The following ADRA1D variants were observed in gnomAD, a reference collection of about 807,000 sequenced individuals.
ADRA1D encodes the protein adrenoceptor alpha 1D, also known as alpha-1D adrenergic receptor.
Under a neutral mutation model 18.6 loss-of-function variants are expected in ADRA1D, and 22 were observed. That is an observed-to-expected ratio of 1.19 (90% CI 0.85 to 1.69). The LOEUF is 1.69. ADRA1D is among the 40% of genes most tolerant of loss of function. The probability of loss-of-function intolerance (pLI) is 0.00; values close to 1 mark genes in which losing one functional copy is unlikely to be tolerated. For synonymous variants in ADRA1D, 376 were observed against 388.2 expected, an observed-to-expected ratio of 0.97 and a Z score of 0.37; for missense variants, 840 against 840.7, an observed-to-expected ratio of 1.00 and a Z score of 0.01.
chr20:4,227,713 T>TCCTA (rs1555820763), intron 1 of ADRA1D, among the ~76,000 whole-genome samples: 1 of 41,552 alleles, frequency 2.4e-5, no homozygotes, highest in African/African-American at 7.5e-5. Context: ...CCTCCTTCCT[T>TCCTA]CCTTCCTTCC....
In ADRA1D at chr20:4,227,713, T is replaced by TC. The variant is rs5840025; in HGVS notation, c.1112-5584dup. Among the ~76,000 whole-genome samples, 119 of 41,548 alleles carry TC rather than the reference T, an allele frequency of 2.9e-3. 3 individuals are homozygous for TC. Among genetic ancestry groups the TC allele is most frequent in the Middle Eastern group, 0.017 (1 of 60 alleles). 27.3% of individuals were successfully genotyped at this position (41,548 alleles called of 152,430 possible). ...CTCCCTCCCTCCCTCCCTCCTTCCT[T>TC]CCTTCCTTCCTTCCTTCCTTCCTTC... On this transcript the variant is annotated intron_variant, in intron 1 of 1. Transcript: ENST00000379453.
rs1468811860 is a variant in ADRA1D at position 4,239,823 on chromosome 20, C to T, written c.1111+8024G>A. Reference sequence around the variant, plus strand: ...ATAAAGAGGAATATTGAACATCTTCCCTGCCTTTGCTGTACAGATTCTATT... The same window carrying T: ...ATAAAGAGGAATATTGAACATCTTCTCTGCCTTTGCTGTACAGATTCTATT... On this transcript the variant is annotated intron_variant, in intron 1 of 1. Transcript: ENST00000379453. This position sits in a 1 kb window ranked among gnomAD's most constrained non-coding sequence, Gnocchi z 4.9. Among the ~76,000 whole-genome samples the T allele has an allele frequency of 6.6e-6, 1 of 152,190 alleles. No individual in the cohort carries two copies. Among genetic ancestry groups the T allele is most frequent in the East Asian group, 1.9e-4 (1 of 5,202 alleles).
chr20:4,240,837 C>A (rs4813675), intron 1 of ADRA1D, among the ~76,000 whole-genome samples: 59,740 of 151,918 alleles, frequency 0.39, 12,992 homozygotes, highest in Non-Finnish European at 0.49. Flanking sequence ...AGTGATGGGA[C>A]AGTGGGTGAG....
chr20:4,227,749 T>TCCTTCCTTCCTC (rs1212086180), intron 1 of ADRA1D, among the ~76,000 whole-genome samples: 1 of 126,798 alleles, frequency 7.9e-6, no homozygotes, highest in African/African-American at 2.9e-5. Flanking sequence ...CTTCCTTCCT[T>TCCTTCCTTCCTC]CTTCTCTCTC....
At position 4,239,082 on chromosome 20, in the gene ADRA1D, A is replaced by C. The variant is rs1320533490; in HGVS notation, c.1111+8765T>G. Among the ~76,000 whole-genome samples the C allele has an allele frequency of 2.0e-5, 3 of 152,038 alleles. No homozygotes were observed. The highest frequency in any genetic ancestry group is 4.4e-5 in the Non-Finnish European group (3 of 68,006). ...CTGAGGATTCTGGGGGAGGGAGAGT[A>C]AAATGGGCACATGGACCAGGGCATA... On this transcript the variant is annotated intron_variant, in intron 1 of 1. Transcript: ENST00000379453. The surrounding 1 kb of genome is among the most constrained non-coding windows in gnomAD (Gnocchi z 4.9).
At chr20:4,245,112 C>T (rs112160311) in intron 1 of ADRA1D, among the ~76,000 whole-genome samples, 3 of 152,344 alleles carry the variant, frequency 2.0e-5, no homozygotes, top group Admixed American at 6.5e-5. Context: ...AGTCACGTGA[C>T]GTGGACCTCA....
chr20:4,221,485 C>G lies in ADRA1D; in HGVS notation c.*38G>C, dbSNP rs908694327. On this transcript the variant is annotated 3_prime_UTR_variant, in exon 2 of 2. Coordinates refer to ENST00000379453, the MANE Select transcript of ADRA1D (RefSeq NM_000678.4). ...CCCGCCTCTCTGGTCCCCCTTACCC[C>G]CAAGCCCAGCACACTCCGCGGCCTA... 8 of 1,570,482 alleles carry G rather than the reference C, an allele frequency of 5.1e-6. No individual in the cohort carries two copies. Among genetic ancestry groups the G allele is most frequent in the Admixed American group, 1.8e-5 (1 of 56,156 alleles).
intron 1 of ADRA1D, among the ~76,000 whole-genome samples, chr20:4,234,448 C>T (rs180954047): frequency 6.6e-6 from 1 of 152,386 alleles, no homozygotes; most frequent in East Asian, 1.9e-4. Context: ...CCTCCCCCAT[C>T]TTCCTACCCT....
Position 4,222,217 on chromosome 20 carries a change from A to C in ADRA1D, c.1112-87T>G. 5 of 1,513,392 alleles carry C rather than the reference A, an allele frequency of 3.3e-6. No individual in the cohort carries two copies. The highest frequency in any genetic ancestry group is 4.4e-6 in the Non-Finnish European group (5 of 1,133,220). 93.7% of individuals were successfully genotyped at this position (1,513,392 alleles called of 1,614,324 possible). The stretch of plus-strand genomic sequence containing the variant: ...GGGCGCAAAGGGGAGACCCTTCAGT[A>C]GCCTTGGCTGAGTCATTGACTAGGA... On this transcript the variant is annotated intron_variant, in intron 1 of 1. Coordinates refer to ENST00000379453, the MANE Select transcript of ADRA1D (RefSeq NM_000678.4). The surrounding 1 kb of genome is among the most constrained non-coding windows in gnomAD (Gnocchi z 4.3).
rs748795217 is a variant in ADRA1D, at chr20:4,248,538, C to T, written c.420G>A (p.Val140=). ...CGGTGGCGCTCAGCAGCAGGTCGGCCACGGCCAGGTTCACGATGAAATAGT... is the reference window on the plus strand; with the variant it reads ...CGGTGGCGCTCAGCAGCAGGTCGGCTACGGCCAGGTTCACGATGAAATAGT... ...VTNYFIVNLA[V]ADLLLSATVL... is the part of the protein sequence containing the mutation. Residue 140 remains valine (V), a synonymous_variant, in exon 1 of 2, where the codon GTG becomes GTA. Coordinates refer to ENST00000379453, the MANE Select transcript of ADRA1D (RefSeq NM_000678.4). The T allele has an allele frequency of 2.5e-6, 4 of 1,613,906 alleles. No homozygotes were observed. The highest frequency in any genetic ancestry group is 3.4e-6 in the Non-Finnish European group (4 of 1,179,960).
rs866134089 is a variant in ADRA1D, at chr20:4,247,993, C to A, written c.965G>T (p.Arg322Leu). The A allele has an allele frequency of 1.3e-6, 2 of 1,567,764 alleles. No individual in the cohort carries two copies. The highest frequency in any genetic ancestry group is 8.6e-7 in the Non-Finnish European group (1 of 1,157,496). ...GCGGAAGGTGTGGCCCTTGGCGCTG[C>A]GCATGCCGTGCGCCCCGTCGGCGCC... is the stretch of plus-strand genomic sequence containing the variant. Reference protein sequence around the residue: ...ATGADGAHGMRSAKGHTFRSS... With the variant: ...ATGADGAHGMLSAKGHTFRSS... The change falls in exon 1 of 2, where the codon CGC becomes CTC. Residue 322 changes from arginine to leucine, a missense_variant. By Grantham distance (102) the Arg-to-Leu change is moderately radical (BLOSUM62 -2). Coordinates refer to ENST00000379453, the MANE Select transcript of ADRA1D (RefSeq NM_000678.4).
In ADRA1D at chr20:4,221,689, G is replaced by C. The variant is rs763837656; in HGVS notation, c.1553C>G (p.Ser518Trp). The stretch of plus-strand genomic sequence containing the variant: ...CGCGCCCCCGGCGCGGATCTTGTGC[G>C]ACAGGCTGGAGACTTTGGCGCGCAG... ...TQLRAKVSSL[S>W]HKIRAGGAQR... is the part of the protein sequence containing the mutation. Residue 518 changes from serine (S) to tryptophan (W), a missense_variant, in exon 2 of 2, where the codon TCG becomes TGG. Physicochemically the swap from Ser to Trp is radical, Grantham distance 177 (BLOSUM62 -3). Transcript: ENST00000379453. The C allele has an allele frequency of 6.8e-6, 11 of 1,611,992 alleles. No individual in the cohort carries two copies. The Admixed American group carries it at 1.0e-4, about 15-fold the overall frequency.
chr20:4,235,479 T>C (rs1981067319), intron 1 of ADRA1D, among the ~76,000 whole-genome samples: 1 of 152,240 alleles, frequency 6.6e-6, no homozygotes, highest in Non-Finnish European at 1.5e-5. Flanking sequence ...TGTCACTTCT[T>C]AACTCACTTA....
intron 1 of ADRA1D, among the ~76,000 whole-genome samples, chr20:4,228,013 T>A (rs1256332035): frequency 6.6e-6 from 1 of 152,174 alleles, no homozygotes; most frequent in African/African-American, 2.4e-5. Flanking sequence ...AATATAAGCC[T>A]GAGCATTTCA....
intron 1 of ADRA1D, among the ~76,000 whole-genome samples, chr20:4,243,325 A>G (rs1235883478): frequency 7.4e-6 from 1 of 134,496 alleles, no homozygotes; most frequent in Non-Finnish European, 1.7e-5. Flanking sequence ...TCCCACACTC[A>G]CTCTACAAGT....
At chr20:4,237,371 C>T (rs2122669537) in intron 1 of ADRA1D, among the ~76,000 whole-genome samples, 1 of 149,384 alleles carries the variant, frequency 6.7e-6, no homozygotes, top group South Asian at 2.1e-4. Flanking sequence ...CCAGCCTGGG[C>T]AACAGAGTAA....
chr20:4,245,046 C>T (rs1034442397), intron 1 of ADRA1D, among the ~76,000 whole-genome samples: 5 of 152,160 alleles, frequency 3.3e-5, no homozygotes, highest in African/African-American at 1.2e-4. Flanking sequence ...AAGAGCTGTG[C>T]GTGCCAGCAA....
In ADRA1D at chr20:4,221,968, C is replaced by A; in HGVS notation, c.1274G>T (p.Arg425Leu). The A allele has an allele frequency of 6.4e-7, 1 of 1,555,250 alleles. No homozygotes were observed. Residue 425 changes from arginine (R) to leucine (L), a missense_variant, in exon 2 of 2, where the codon CGG becomes CTG. Transcript: ENST00000379453. ...GACACGCCAGAGAGGGCGGCGGCGCCGGCGACGACGGCACTGGCAGCGCAG... is the reference window on the plus strand; with the variant it reads ...GACACGCCAGAGAGGGCGGCGGCGCAGGCGACGACGGCACTGGCAGCGCAG... ...RLLRCQCRRR[R>L]RRRPLWRVYG...
At chr20:4,235,892 C>T (rs774843014) in intron 1 of ADRA1D, among the ~76,000 whole-genome samples, 38 of 152,220 alleles carry the variant, frequency 2.5e-4, no homozygotes, top group Non-Finnish European at 4.0e-4. Context: ...GGCTTAGGGA[C>T]TCAGAGACTT....
Sources: allele counts gnomAD v4.1 joint callset (sites outside exome capture counted in the v4.1 genomes callset), GRCh38; gene constraint gnomAD v4.1.1; non-coding constraint Gnocchi (gnomAD v3.1); transcripts MANE v1.5; gene names NCBI Gene and HGNC (gene_info 2026-07-23, HGNC 2026-07-21).